The following ANO3 variants were observed in gnomAD, a reference collection of about 807,000 sequenced individuals.
The protein encoded by ANO3 is anoctamin-3.
A neutral mutation model predicts 144.8 loss-of-function variants in ANO3; 99 were observed. The observed-to-expected ratio is 0.68, with a 90% CI of 0.58 to 0.81. The LOEUF is 0.81. Ranked by LOEUF, ANO3 falls within the 30% of genes least tolerant of loss-of-function variation. The pLI is 0.00. For synonymous variants in ANO3, 414 were observed against 392.6 expected, an observed-to-expected ratio of 1.05 and a Z score of -0.64; for missense variants, 905 against 1,202.2, an observed-to-expected ratio of 0.75 and a Z score of 3.66.
At chr11:26,423,622 G>A (rs759286124) in intron 1 of ANO3, among the ~76,000 whole-genome samples, 2 of 151,854 alleles carry the variant, frequency 1.3e-5, no homozygotes, top group Non-Finnish European at 2.9e-5. Flanking sequence ...CTATTCATAT[G>A]TGCCAAGCAC....
At chr11:26,610,103 G>T (rs1252960743) in intron 17 of ANO3, among the ~76,000 whole-genome samples, 1 of 151,802 alleles carries the variant, frequency 6.6e-6, no homozygotes, top group Non-Finnish European at 1.5e-5. Flanking sequence ...TAGAGGCGGG[G>T]TTTCTCCATG....
chr11:26,526,384 C>T (rs1849164134), intron 7 of ANO3, among the ~76,000 whole-genome samples: 1 of 152,126 alleles, frequency 6.6e-6, no homozygotes, highest in Non-Finnish European at 1.5e-5. Context: ...GAAAAAGCTT[C>T]TTACCCTTGG....
intron 14 of ANO3, among the ~76,000 whole-genome samples, chr11:26,595,717 G>C (rs989341304): frequency 3.9e-5 from 6 of 152,110 alleles, no homozygotes; most frequent in Admixed American, 2.0e-4. Context: ...GAAATCCCCT[G>C]TTAGGAAATC....
chr11:26,260,290 T>C (rs1413712945), intron 1 of ANO3, among the ~76,000 whole-genome samples: 4 of 152,204 alleles, frequency 2.6e-5, no homozygotes, highest in African/African-American at 9.7e-5. Context: ...AATATTTTTA[T>C]ATTACATGTC....
chr11:26,222,287 A>G (rs1852162393), intron 1 of ANO3, among the ~76,000 whole-genome samples: 1 of 152,230 alleles, frequency 6.6e-6, no homozygotes, highest in Non-Finnish European at 1.5e-5. Flanking sequence ...CATATACCAC[A>G]TCCAGTGCAC....
At chr11:26,535,934 A>G (rs1399245272) in intron 9 of ANO3, among the ~76,000 whole-genome samples, 1 of 152,040 alleles carries the variant, frequency 6.6e-6, no homozygotes, top group African/African-American at 2.4e-5. Context: ...TCTAATTAAT[A>G]ATTTATTTAT....
rs181568829 is a variant in ANO3 at position 26,190,616 on chromosome 11, T to A, written c.154+1286T>A. Among the ~76,000 whole-genome samples, 192 of 152,384 alleles carry A rather than the reference T, an allele frequency of 1.3e-3. 3 individuals carry two copies. Among genetic ancestry groups the A allele is most frequent in the Admixed American group, 0.012 (191 of 15,310 alleles). Reference sequence around the variant, plus strand: ...CCATTTTTTTTGTCTTCTAGTCATTTCTGTCAGAGTTAGCACATCCATTCC... The same window carrying A: ...CCATTTTTTTTGTCTTCTAGTCATTACTGTCAGAGTTAGCACATCCATTCC... On this transcript the variant is annotated intron_variant, in intron 1 of 27. Coordinates refer to the ANO3 transcript ENST00000672621.
chr11:26,550,603 C>T (rs1849908168), intron 12 of ANO3, among the ~76,000 whole-genome samples: 2 of 151,912 alleles, frequency 1.3e-5, no homozygotes, highest in South Asian at 4.1e-4. Context: ...GCAGGATTTC[C>T]TTCTTTTCTA....
intron 13 of ANO3, among the ~76,000 whole-genome samples, chr11:26,558,747 A>G (rs1850166715): frequency 6.6e-6 from 1 of 152,166 alleles, no homozygotes; most frequent in Admixed American, 6.6e-5. Flanking sequence ...TCCAGATGTT[A>G]CAACTGAAAT....
chr11:26,474,519 T>A (rs1025341550), intron 4 of ANO3, among the ~76,000 whole-genome samples: 2 of 151,870 alleles, frequency 1.3e-5, no homozygotes, highest in Non-Finnish European at 1.5e-5. Context: ...TTCATCAAAA[T>A]AGAAAGTCAG....
intron 4 of ANO3, among the ~76,000 whole-genome samples, chr11:26,492,615 G>A (rs888261005): frequency 6.6e-6 from 1 of 152,056 alleles, no homozygotes; most frequent in African/African-American, 2.4e-5. Context: ...TAATTATAAC[G>A]ATAAGTACAG....
chr11:26,435,421 A>G (rs1239323987), intron 1 of ANO3, among the ~76,000 whole-genome samples: 1 of 152,042 alleles, frequency 6.6e-6, no homozygotes, highest in Non-Finnish European at 1.5e-5. Context: ...AGAATCTTTC[A>G]GGTGTTCTCA....
chr11:26,229,946 T>G (rs1227096084), intron 1 of ANO3, among the ~76,000 whole-genome samples: 1 of 152,206 alleles, frequency 6.6e-6, no homozygotes, highest in African/African-American at 2.4e-5. Context: ...AAAATCATTG[T>G]CACCCTCTGA....
chr11:26,527,414 T>C (rs1849190961), intron 7 of ANO3, among the ~76,000 whole-genome samples: 1 of 152,120 alleles, frequency 6.6e-6, no homozygotes. Context: ...TTACTTATAA[T>C]AAGTAAATCT....
chr11:26,399,252 T>C (rs1421537575), intron 1 of ANO3, among the ~76,000 whole-genome samples: 1 of 151,930 alleles, frequency 6.6e-6, no homozygotes, highest in East Asian at 1.9e-4. Context: ...CTTTAAACTG[T>C]AGGTCACCTC....
At chr11:26,436,067 G>T (rs1858284335) in intron 1 of ANO3, among the ~76,000 whole-genome samples, 1 of 152,144 alleles carries the variant, frequency 6.6e-6, no homozygotes, top group Non-Finnish European at 1.5e-5. Flanking sequence ...GTCATGTGGG[G>T]GCAGGGAGGT....
chr11:26,432,887 C>G (rs1482371138), intron 1 of ANO3, among the ~76,000 whole-genome samples: 2 of 151,950 alleles, frequency 1.3e-5, no homozygotes, highest in Non-Finnish European at 2.9e-5. Context: ...TATTTGGGCT[C>G]TTTTTTGGTA....
At chr11:26,527,614 G>A (rs1425026270) in intron 7 of ANO3, among the ~76,000 whole-genome samples, 1 of 152,082 alleles carries the variant, frequency 6.6e-6, no homozygotes, top group East Asian at 1.9e-4. Flanking sequence ...CTCTTTTCTT[G>A]AAGTGGGAAA....
intron 1 of ANO3, among the ~76,000 whole-genome samples, chr11:26,400,120 GTTGTT>G (rs1204738125): frequency 6.6e-6 from 1 of 151,762 alleles, no homozygotes; most frequent in African/African-American, 2.4e-5. Flanking sequence ...TTTTGTTTTT[GTTGTT>G]TTGTTTTGTT....
Sources: gnomAD v4.1 joint callset for allele counts (sites outside exome capture counted in the v4.1 genomes callset) on GRCh38, gnomAD v4.1.1 for gene constraint, MANE v1.5 for transcripts, NCBI Gene and HGNC (gene_info 2026-07-23, HGNC 2026-07-21) for gene names.